PPM1H: variants seen among roughly 807,000 people sequenced by gnomAD.
The protein encoded by PPM1H is protein phosphatase 1H.
A neutral mutation model predicts 54.9 loss-of-function variants in PPM1H; 27 were observed. The ratio of observed to expected loss-of-function variants is 0.49; its 90% CI spans 0.36 to 0.68. PPM1H has a LOEUF of 0.68. PPM1H is among the 30% of genes least tolerant of loss of function. The pLI is 0.00. For synonymous variants in PPM1H, 305 were observed against 270.8 expected (o/e 1.13, Z -1.24); for missense variants, 596 against 667.8 (o/e 0.89, Z 1.19).
chr12:62,732,022 G>A (rs577744177), intron 5 of PPM1H, among the ~76,000 whole-genome samples: 6 of 152,276 alleles, frequency 3.9e-5, no homozygotes, highest in African/African-American at 1.4e-4. Flanking sequence ...GTCCAGCTTG[G>A]TGAAGCCCCT....
At chr12:62,889,426 G>A (rs1396438161) in intron 1 of PPM1H, among the ~76,000 whole-genome samples, 1 of 152,120 alleles carries the variant, frequency 6.6e-6, no homozygotes, top group Non-Finnish European at 1.5e-5. Context: ...ACAAGGCTGA[G>A]GCGAGAGATT....
intron 9 of PPM1H, among the ~76,000 whole-genome samples, chr12:62,666,870 T>C (rs981362115): frequency 1.1e-4 from 17 of 152,214 alleles, no homozygotes; most frequent in South Asian, 6.2e-4. Context: ...CCCACCACCA[T>C]GCCCAGCTAA....
chr12:62,648,366 C>T lies in PPM1H; in HGVS notation c.*123G>A. 7.8e-7 allele frequency: 1 copy of T among 1,283,356 alleles called. No individual in the cohort carries two copies. Among genetic ancestry groups the T allele is most frequent in the Non-Finnish European group, 1.1e-6 (1 of 924,480 alleles). The allele number at this position is 1,283,356 out of a possible 1,614,324, so 79.5% of individuals were successfully genotyped here. A position where few individuals can be genotyped will look rare whatever the true frequency, so the allele number is the denominator to read the frequency against. ...AAGCATAGTCTTTTGGCCATGAACT[C>T]CCCGCTTGGGCTGGGAAGAGACTGC... On this transcript the variant is annotated 3_prime_UTR_variant, in exon 10 of 10. Coordinates refer to ENST00000228705, the MANE Select transcript of PPM1H (RefSeq NM_020700.2).
Position 62,743,015 on chromosome 12 carries a change from C to T in PPM1H, c.870-5429G>A, listed in dbSNP as rs559393672. Among the ~76,000 whole-genome samples, 62 of 152,150 alleles carry T rather than the reference C, an allele frequency of 4.1e-4. No individual in the cohort carries two copies. In the South Asian group the frequency reaches 5.4e-3, roughly 13 times the overall value. ...TTAGGGTGTTCTTATGAGTCAACCGCAAGAATGGGAGAAAAGGAGGTAAAG... is the reference window on the plus strand; with the variant it reads ...TTAGGGTGTTCTTATGAGTCAACCGTAAGAATGGGAGAAAAGGAGGTAAAG... On this transcript the variant is annotated intron_variant, in intron 4 of 9. Coordinates refer to ENST00000228705, the MANE Select transcript of PPM1H (RefSeq NM_020700.2).
chr12:62,788,202 G>A (rs1330733094), intron 4 of PPM1H, 24 bp downstream of exon 4: 5 of 1,435,712 alleles, frequency 3.5e-6, no homozygotes, highest in Non-Finnish European at 4.8e-6. Context: ...AAATTAGCAA[G>A]AATCAGACAG....
intron 4 of PPM1H, among the ~76,000 whole-genome samples, chr12:62,738,682 A>G (rs1360704855): frequency 6.6e-6 from 1 of 151,854 alleles, no homozygotes; most frequent in Non-Finnish European, 1.5e-5. Flanking sequence ...TTCTATATGA[A>G]CCCAACAGCT....
In PPM1H at chr12:62,765,256, G is replaced by A. The variant is rs897712650; in HGVS notation, c.869+22970C>T. On this transcript the variant is annotated intron_variant, in intron 4 of 9. Transcript: ENST00000228705. ...CGAGATGTCATCTGGAATCAGAACT[G>A]ATGTGTGAGGATGGACTGGGAGCTG... Among the ~76,000 whole-genome samples, 44 of 152,232 alleles carry A rather than the reference G, an allele frequency of 2.9e-4. 1 individual carries two copies. The highest frequency in any genetic ancestry group is 6.0e-4 in the Non-Finnish European group (41 of 68,038).
At chr12:62,783,953 G>T (rs2076656606) in intron 4 of PPM1H, among the ~76,000 whole-genome samples, 1 of 152,210 alleles carries the variant, frequency 6.6e-6, no homozygotes, top group Non-Finnish European at 1.5e-5. Flanking sequence ...AGAGCCCTAA[G>T]GAGCTGATGA....
At position 62,713,660 on chromosome 12, in the gene PPM1H, C is replaced by T. The variant is rs1259280940; in HGVS notation, c.1073+6511G>A. On this transcript the variant is annotated intron_variant, in intron 6 of 9. Coordinates refer to ENST00000228705, the MANE Select transcript of PPM1H (RefSeq NM_020700.2). The stretch of plus-strand genomic sequence containing the variant: ...TTCCCTGTCCACAGTTATCAGTACC[C>T]ATCCCACCTTTTAAAAAACTCTTTG... Among the ~76,000 whole-genome samples, 3 of 152,132 alleles carry T rather than the reference C, an allele frequency of 2.0e-5. No homozygotes were observed. In the East Asian group the frequency reaches 5.8e-4, roughly 29 times the overall value.
intron 4 of PPM1H, among the ~76,000 whole-genome samples, chr12:62,751,537 A>C (rs1354485460): frequency 2.0e-5 from 3 of 152,230 alleles, no homozygotes; most frequent in African/African-American, 7.2e-5. Flanking sequence ...CTATGGTTGG[A>C]AAAGGGAAAA....
chr12:62,872,634 T>C (rs1401287385), intron 1 of PPM1H, among the ~76,000 whole-genome samples: 1 of 152,218 alleles, frequency 6.6e-6, no homozygotes, highest in Non-Finnish European at 1.5e-5. Flanking sequence ...TATTTGCATA[T>C]GTTTTAGCAG....
chr12:62,687,562 CT>C (rs559654707), intron 8 of PPM1H, among the ~76,000 whole-genome samples: 849 of 141,642 alleles, frequency 6.0e-3, no homozygotes, highest in Middle Eastern at 7.5e-3. Flanking sequence ...TCTTGCAGTA[CT>C]TTTTTTTTTT....
rs745562878 is a variant in PPM1H, at chr12:62,689,739, G to C, written c.1205C>G (p.Ser402Cys). The C allele has an allele frequency of 1.2e-5, 19 of 1,613,796 alleles. No homozygotes were observed. The highest frequency in any genetic ancestry group is 1.5e-5 in the Non-Finnish European group (18 of 1,179,794). Reference protein sequence around the residue: ...LGDHDLKVHDSNIYIKPFLSS... With the variant: ...LGDHDLKVHDCNIYIKPFLSS... ...CAGGAATGGTTTAATGTAGATGTTG[G>C]AGTCATGCACCTTCAGGTCATGGTC... Residue 402 changes from serine to cysteine, a missense_variant, in exon 8 of 10, where the codon TCC (serine) becomes TGC (cysteine). Coordinates refer to ENST00000228705, the MANE Select transcript of PPM1H (RefSeq NM_020700.2).
At chr12:62,670,573 G>A (rs1412170751) in intron 8 of PPM1H, among the ~76,000 whole-genome samples, 1 of 152,178 alleles carries the variant, frequency 6.6e-6, no homozygotes, top group Non-Finnish European at 1.5e-5. Context: ...TCAAGCTGAA[G>A]TTGTCTTGTC....
intron 2 of PPM1H, among the ~76,000 whole-genome samples, chr12:62,816,892 T>G (rs2076869413): frequency 6.6e-6 from 1 of 151,348 alleles, no homozygotes; most frequent in South Asian, 2.1e-4. Flanking sequence ...TTTGCCACAG[T>G]GGGAAACTAT....
At chr12:62,799,185 A>T (rs184830764) in intron 3 of PPM1H, among the ~76,000 whole-genome samples, 50 of 152,346 alleles carry the variant, frequency 3.3e-4, no homozygotes, top group African/African-American at 1.1e-3. Flanking sequence ...GAAATATTTT[A>T]AAAATGAGCC....
chr12:62,682,207 C>T (rs755397260), intron 8 of PPM1H, among the ~76,000 whole-genome samples: 3 of 152,140 alleles, frequency 2.0e-5, no homozygotes, highest in Admixed American at 6.5e-5. Flanking sequence ...TCAAGACTTT[C>T]GGCCATGCAT....
chr12:62,737,410 T>A, intron 5 of PPM1H, 92 bp downstream of exon 5: 1 of 801,354 alleles, frequency 1.2e-6, no homozygotes, highest in Non-Finnish European at 1.9e-6. Flanking sequence ...GCGGTGAGCC[T>A]GCTCCCATGT....
At chr12:62,929,956 G>A (rs1872081603) in intron 1 of PPM1H, among the ~76,000 whole-genome samples, 1 of 152,036 alleles carries the variant, frequency 6.6e-6, no homozygotes, top group Non-Finnish European at 1.5e-5. Flanking sequence ...TTCCAAGCAG[G>A]AGTTCTGCAA....
Sources: allele counts gnomAD v4.1 joint callset (sites outside exome capture counted in the v4.1 genomes callset), GRCh38; gene constraint gnomAD v4.1.1; transcripts MANE v1.5; gene names NCBI Gene and HGNC (gene_info 2026-07-23, HGNC 2026-07-21).